The following R3HDM1 variants were observed in gnomAD, a reference collection of about 807,000 sequenced individuals.
R3HDM1 encodes R3H domain-containing protein 1.
In R3HDM1, 46 loss-of-function variants were observed where a neutral mutation model predicts 141.1. The ratio of observed to expected loss-of-function variants is 0.33; its 90% CI spans 0.26 to 0.42. R3HDM1 has a LOEUF of 0.42. R3HDM1 is among the 10% of genes least tolerant of loss of function. R3HDM1 has a pLI of 1.00. For missense variants in R3HDM1, 1,184 were observed against 1,368.3 expected, an observed-to-expected ratio of 0.87 and a Z score of 2.12; for synonymous variants, 435 against 472.9, an observed-to-expected ratio of 0.92 and a Z score of 1.04.
At chr2:135,695,292 A>G (rs942420125) in intron 21 of R3HDM1, among the ~76,000 whole-genome samples, 2 of 152,228 alleles carry the variant, frequency 1.3e-5, no homozygotes, top group African/African-American at 2.4e-5. Flanking sequence ...CTGAGAATGC[A>G]GAGAATCAGG....
chr2:135,598,076 C>T (rs947278347), intron 1 of R3HDM1, among the ~76,000 whole-genome samples: 1 of 152,090 alleles, frequency 6.6e-6, no homozygotes, highest in African/African-American at 2.4e-5. Flanking sequence ...ACTAGTTTGC[C>T]TTTGAAAGTG....
intron 1 of R3HDM1, among the ~76,000 whole-genome samples, chr2:135,564,206 G>T (rs1382758677): frequency 2.0e-5 from 3 of 152,162 alleles, no homozygotes; most frequent in African/African-American, 7.2e-5. Context: ...TACCTAGACA[G>T]TAAGTTATAT....
chr2:135,576,321 A>G (rs1705407107), intron 1 of R3HDM1, among the ~76,000 whole-genome samples: 1 of 151,996 alleles, frequency 6.6e-6, no homozygotes, highest in Admixed American at 6.6e-5. Flanking sequence ...GTGTGCCATG[A>G]TAGTGCCACT....
intron 1 of R3HDM1, among the ~76,000 whole-genome samples, chr2:135,538,533 T>A (rs1361898237): frequency 6.6e-6 from 1 of 152,234 alleles, no homozygotes; most frequent in Non-Finnish European, 1.5e-5. Flanking sequence ...CAGCTTAAAA[T>A]AGACATATTA....
intron 11 of R3HDM1, among the ~76,000 whole-genome samples, chr2:135,638,177 T>C (rs1344334464): frequency 6.6e-6 from 1 of 152,176 alleles, no homozygotes. Context: ...CAAACAAAAA[T>C]GGTCATTCCT....
chr2:135,593,354 G>C (rs142298528), intron 1 of R3HDM1, among the ~76,000 whole-genome samples: 1 of 152,162 alleles, frequency 6.6e-6, no homozygotes, highest in Non-Finnish European at 1.5e-5. Flanking sequence ...GGTAGGTTCA[G>C]AATTAAGGCA....
At chr2:135,630,170 G>A (rs1333258159) in intron 7 of R3HDM1, among the ~76,000 whole-genome samples, 2 of 150,620 alleles carry the variant, frequency 1.3e-5, no homozygotes, top group Non-Finnish European at 3.0e-5. Context: ...CCAGCTAATC[G>A]GGAGGCTGAG....
At position 135,638,621 on chromosome 2, in the gene R3HDM1, C is replaced by T. The variant is rs765860108; in HGVS notation, c.907C>T (p.Leu303=). The change falls in exon 12 of 27, where the codon CTG becomes TTG. Residue 303 remains leucine, a synonymous_variant. Transcript: ENST00000683871. ...ARDRIFSQDS[L]CSQENYIIDK... ...TTGTATCTATTCTTTTTTCTAGTCC[C>T]TGTGTTCCCAAGAGAATTACATTAT... 3.7e-6 allele frequency: 6 copies of T among 1,608,020 alleles called. No individual in the cohort carries two copies. The East Asian group carries it at 6.7e-5, about 18-fold the overall frequency.
Position 135,710,145 on chromosome 2 carries a change from C to A in R3HDM1, c.2650C>A (p.Pro884Thr), listed in dbSNP as rs368164506. 2 of 1,614,032 alleles carry A rather than the reference C, an allele frequency of 1.2e-6. No homozygotes were observed. The highest frequency in any genetic ancestry group is 1.7e-6 in the Non-Finnish European group (2 of 1,179,898). Residue 884 changes from proline (P) to threonine (T), a missense_variant, in exon 23 of 27, where the codon CCG becomes ACG. By Grantham distance (38) the Pro-to-Thr change is conservative. Transcript: ENST00000683871. Reference protein sequence around the residue: ...NNPQSCAHSPPQWKQNKYYCD... With the variant: ...NNPQSCAHSPTQWKQNKYYCD... Reference sequence around the variant, plus strand: ...TCCACAATCTTGTGCCCACTCACCCCCGCAGTGGAAACAAAACAAATATTA... The same window carrying A: ...TCCACAATCTTGTGCCCACTCACCCACGCAGTGGAAACAAAACAAATATTA...
intron 7 of R3HDM1, 43 bp from the exon 8 acceptor site, chr2:135,631,675 A>G: frequency 6.8e-7 from 1 of 1,471,198 alleles, no homozygotes; most frequent in Admixed American, 2.4e-5. Flanking sequence ...TGATTACTTC[A>G]TTGCTAAGTT....
At chr2:135,575,046 T>C (rs1389665782) in intron 1 of R3HDM1, among the ~76,000 whole-genome samples, 2 of 152,192 alleles carry the variant, frequency 1.3e-5, no homozygotes, top group African/African-American at 4.8e-5. Flanking sequence ...GATAACGGGT[T>C]GAGCATCCCT....
At chr2:135,609,872 C>G (rs2060375654) in intron 3 of R3HDM1, among the ~76,000 whole-genome samples, 1 of 151,918 alleles carries the variant, frequency 6.6e-6, no homozygotes, top group Non-Finnish European at 1.5e-5. Flanking sequence ...GAAACCCTGT[C>G]TCTACCAAAA....
intron 21 of R3HDM1, among the ~76,000 whole-genome samples, chr2:135,682,992 G>A (rs929072952): frequency 6.6e-6 from 1 of 151,788 alleles, no homozygotes; most frequent in East Asian, 1.9e-4. Flanking sequence ...GGGAGACTCT[G>A]CCTCAAAAAA....
At chr2:135,628,581 CT>C (rs1164987131) in intron 7 of R3HDM1, among the ~76,000 whole-genome samples, 2 of 152,136 alleles carry the variant, frequency 1.3e-5, no homozygotes, top group African/African-American at 4.8e-5. Context: ...TTTAAATGTA[CT>C]GTTTTATGAA....
At chr2:135,542,196 C>G (rs1458625341) in intron 1 of R3HDM1, among the ~76,000 whole-genome samples, 1 of 152,174 alleles carries the variant, frequency 6.6e-6, no homozygotes, top group South Asian at 2.1e-4. Flanking sequence ...GATTTTGAAG[C>G]ATTTTGGATT....
chr2:135,685,779 A>G (rs2071226240), intron 21 of R3HDM1, among the ~76,000 whole-genome samples: 2 of 152,352 alleles, frequency 1.3e-5, no homozygotes, highest in South Asian at 4.1e-4. Context: ...ATGGTTAGAA[A>G]AATGGGCTTT....
chr2:135,679,448 C>T (rs1049629715), intron 20 of R3HDM1, among the ~76,000 whole-genome samples: 4 of 152,136 alleles, frequency 2.6e-5, no homozygotes, highest in African/African-American at 9.7e-5. Flanking sequence ...CCCAATATCA[C>T]TTAGATAGAT....
At chr2:135,548,561 T>C (rs997097871) in intron 1 of R3HDM1, among the ~76,000 whole-genome samples, 56 of 152,108 alleles carry the variant, frequency 3.7e-4, no homozygotes, top group African/African-American at 1.3e-3. Flanking sequence ...GTTCCCTCAT[T>C]CTCTTTCCCA....
chr2:135,721,968 C>A lies in R3HDM1; in HGVS notation c.2926C>A (p.Pro976Thr). 1 of 1,613,916 alleles carries A rather than the reference C, an allele frequency of 6.2e-7. No individual in the cohort carries two copies. Among genetic ancestry groups the A allele is most frequent in the Non-Finnish European group, 8.5e-7 (1 of 1,179,806 alleles). ...PLLGQPLQYN[P>T]PAVLHGHIPN... ...ACTTGGCCAGCCACTGCAGTACAAT[C>A]CTCCTGCTGTTCTGCACGGACACAT... is the stretch of plus-strand genomic sequence containing the variant. The change falls in exon 25 of 27, where the codon CCT becomes ACT. Residue 976 changes from proline (P) to threonine (T), a missense_variant. Pro to Thr is a conservative substitution (Grantham distance 38). Coordinates refer to ENST00000683871, the MANE Select transcript of R3HDM1 (RefSeq NM_001378107.1).
Sources: allele counts gnomAD v4.1 joint callset (sites outside exome capture counted in the v4.1 genomes callset), GRCh38; gene constraint gnomAD v4.1.1; transcripts MANE v1.5; gene names NCBI Gene and HGNC (gene_info 2026-07-23, HGNC 2026-07-21).